SMYD3: variants seen among roughly 807,000 people sequenced by gnomAD.
The protein encoded by SMYD3 is SET and MYND domain containing 3, also known as histone-lysine N-methyltransferase SMYD3.
In SMYD3, 36 loss-of-function variants were observed where a neutral mutation model predicts 57.7. The ratio of observed to expected loss-of-function variants is 0.62; its 90% confidence interval spans 0.48 to 0.82. The LOEUF (loss-of-function observed/expected upper bound fraction) is 0.82. Among genes scored for constraint, SMYD3 ranks in the 40% least tolerant of loss-of-function variants. The probability of loss-of-function intolerance (pLI) is 0.00; values close to 1 mark genes in which losing one functional copy is unlikely to be tolerated. For synonymous variants in SMYD3, 211 were observed against 195.0 expected (o/e 1.08, Z -0.68); for missense variants, 515 against 538.8 (o/e 0.96, Z 0.44).
chr1:246,374,152 C>T (rs961492476), intron 1 of SMYD3, among the ~76,000 whole-genome samples: 1 of 151,726 alleles, frequency 6.6e-6, no homozygotes, highest in Non-Finnish European at 1.5e-5. Context: ...TTAATCTAAA[C>T]TTAAAAAAAA....
intron 5 of SMYD3, among the ~76,000 whole-genome samples, chr1:246,057,340 C>G (rs12074800): frequency 0.051 from 7,740 of 152,196 alleles, 249 homozygotes; most frequent in African/African-American, 0.081. Flanking sequence ...AAAGAAAAAG[C>G]TACTTTTACA....
intron 5 of SMYD3, among the ~76,000 whole-genome samples, chr1:246,071,253 A>C (rs1431734925): frequency 1.3e-5 from 2 of 152,172 alleles, no homozygotes; most frequent in Non-Finnish European, 2.9e-5. Flanking sequence ...GTAAAAAAAA[A>C]TTGTGGGAGT....
intron 1 of SMYD3, among the ~76,000 whole-genome samples, chr1:246,390,095 T>A (rs914720747): frequency 6.6e-6 from 1 of 151,430 alleles, no homozygotes; most frequent in Non-Finnish European, 1.5e-5. Flanking sequence ...TCCCTAACGC[T>A]ATAGTCCAAG....
rs186745959 is a variant in SMYD3 at position 245,877,379 on chromosome 1, T to A, written c.814-13493A>T. On this transcript the variant is annotated intron_variant, in intron 8 of 11. Transcript: ENST00000490107. ...GTAGGGAAGGGGTCAGATCAAAGAA[T>A]GAATTTGATCCTGCATGGGCAACAT... Among the ~76,000 whole-genome samples, 11 of 152,318 alleles carry A rather than the reference T, an allele frequency of 7.2e-5. No individual in the cohort carries two copies. In the East Asian group the frequency reaches 1.9e-3, roughly 27 times the overall value.
At chr1:246,350,122 T>C (rs891230452) in intron 2 of SMYD3, among the ~76,000 whole-genome samples, 1 of 152,224 alleles carries the variant, frequency 6.6e-6, no homozygotes, top group Admixed American at 6.5e-5. Context: ...AAGAGCTACA[T>C]TAATTCTAGA....
intron 10 of SMYD3, among the ~76,000 whole-genome samples, chr1:245,773,102 A>C (rs2046404717): frequency 6.6e-6 from 1 of 151,898 alleles, no homozygotes; most frequent in African/African-American, 2.4e-5. Context: ...AAAAAAAAAA[A>C]AAAAAAAAGC....
At chr1:246,261,829 C>T (rs1035866974) in intron 5 of SMYD3, among the ~76,000 whole-genome samples, 3 of 152,162 alleles carry the variant, frequency 2.0e-5, no homozygotes, top group African/African-American at 4.8e-5. Context: ...GCATAAACAG[C>T]GCCCTCTGTC....
At chr1:245,858,300 T>A (rs1405510442) in intron 10 of SMYD3, among the ~76,000 whole-genome samples, 196 bp downstream of exon 10, 7 of 152,326 alleles carry the variant, frequency 4.6e-5, no homozygotes, top group African/African-American at 1.7e-4. Context: ...TGGAAGGAAC[T>A]TTACAAATGA....
chr1:245,926,213 G>C (rs915272476), intron 7 of SMYD3, among the ~76,000 whole-genome samples: 2 of 152,148 alleles, frequency 1.3e-5, no homozygotes, highest in Non-Finnish European at 2.9e-5. Flanking sequence ...CAAGAATTTG[G>C]GGATAAAGTT....
chr1:246,227,909 C>A (rs1037074486), intron 5 of SMYD3, among the ~76,000 whole-genome samples: 17 of 149,858 alleles, frequency 1.1e-4, no homozygotes, highest in Non-Finnish European at 2.1e-4. Flanking sequence ...GCATCATATG[C>A]TATGTTATTT....
chr1:246,059,678 G>A (rs1294418410), intron 5 of SMYD3, among the ~76,000 whole-genome samples: 2 of 152,128 alleles, frequency 1.3e-5, no homozygotes, highest in African/African-American at 2.4e-5. Context: ...AAACTTTTGA[G>A]AAGCTTCAGG....
At chr1:246,481,607 TA>T (rs2068104423) in intron 1 of SMYD3, among the ~76,000 whole-genome samples, 3 of 61,976 alleles carry the variant, frequency 4.8e-5, no homozygotes, top group African/African-American at 1.5e-4. Context: ...TATATATATA[TA>T]CACATACATA....
At chr1:245,814,416 C>T in intron 10 of SMYD3, 1 of 982,566 alleles carries the variant, frequency 1.0e-6, no homozygotes, top group Non-Finnish European at 1.2e-6. Context: ...TCTTCTTCAA[C>T]TGGGGGCAAA....
chr1:246,491,059 T>C (rs920946329), intron 1 of SMYD3, among the ~76,000 whole-genome samples: 1 of 152,120 alleles, frequency 6.6e-6, no homozygotes, highest in Non-Finnish European at 1.5e-5. Flanking sequence ...AGCTGTTAAG[T>C]AGTTTGCCCC....
At chr1:245,952,713 A>G (rs1241212266) in intron 5 of SMYD3, among the ~76,000 whole-genome samples, 6 of 152,210 alleles carry the variant, frequency 3.9e-5, no homozygotes, top group Non-Finnish European at 7.3e-5. Flanking sequence ...GAAAGTCAAC[A>G]TAATATGTTT....
At chr1:246,394,220 T>G (rs2066619173) in intron 1 of SMYD3, among the ~76,000 whole-genome samples, 1 of 152,242 alleles carries the variant, frequency 6.6e-6, no homozygotes, top group African/African-American at 2.4e-5. Context: ...ATGTAGTATG[T>G]ATAACTGACA....
At chr1:246,306,448 A>G (rs553088872) in intron 5 of SMYD3, among the ~76,000 whole-genome samples, 27 of 152,326 alleles carry the variant, frequency 1.8e-4, no homozygotes, top group African/African-American at 6.0e-4. Flanking sequence ...TTCCTATTTG[A>G]ATGCTCATGA....
intron 1 of SMYD3, among the ~76,000 whole-genome samples, chr1:246,489,047 T>C (rs935818031): frequency 6.6e-6 from 1 of 152,104 alleles, no homozygotes; most frequent in African/African-American, 2.4e-5. Flanking sequence ...GGTAGGTCAC[T>C]TCTGAAGAAG....
intron 5 of SMYD3, among the ~76,000 whole-genome samples, chr1:246,045,902 C>A (rs1375061162): frequency 3.3e-5 from 5 of 152,180 alleles, no homozygotes; most frequent in African/African-American, 4.8e-5. Flanking sequence ...CATCAGAGAA[C>A]TGCAAATCAA....
Sources: gnomAD v4.1 joint callset for allele counts (sites outside exome capture counted in the v4.1 genomes callset) on GRCh38, gnomAD v4.1.1 for gene constraint, MANE v1.5 for transcripts, NCBI Gene and HGNC (gene_info 2026-07-23, HGNC 2026-07-21) for gene names.